Variants in DLGAP1 observed in about 807,000 individuals in gnomAD.
DLGAP1 encodes disks large-associated protein 1.
DLGAP1 carries 11 observed loss-of-function variants against 90.8 expected under a neutral mutation model. That is an observed-to-expected ratio of 0.12 (90% CI 0.08 to 0.20). The LOEUF (loss-of-function observed/expected upper bound fraction) is 0.20, where lower values mean the gene tolerates loss of function less well. DLGAP1 is among the 10% of genes least tolerant of loss of function. The probability of loss-of-function intolerance (pLI) is 1.00; values close to 1 mark genes in which losing one functional copy is unlikely to be tolerated. For synonymous variants in DLGAP1, 558 were observed against 540.7 expected, an observed-to-expected ratio of 1.03 and a Z score of -0.44; for missense variants, 1,050 against 1,333.8, an observed-to-expected ratio of 0.79 and a Z score of 3.31.
chr18:4,027,304 G>A (rs142298539), intron 2 of DLGAP1, among the ~76,000 whole-genome samples: 2,006 of 151,858 alleles, frequency 0.013, 31 homozygotes, highest in African/African-American at 0.045. Context: ...CCAGGAGTTC[G>A]AGACTAGCCT....
chr18:4,298,820 G>A (rs1350790175), intron 1 of DLGAP1, among the ~76,000 whole-genome samples: 1 of 151,670 alleles, frequency 6.6e-6, no homozygotes, highest in African/African-American at 2.4e-5. Flanking sequence ...AGTGGCTCAC[G>A]CCTGTAATCC....
At chr18:4,006,296 A>G (rs2074299338) in intron 2 of DLGAP1, among the ~76,000 whole-genome samples, 2 of 152,158 alleles carry the variant, frequency 1.3e-5, no homozygotes, top group South Asian at 4.1e-4. Context: ...TGTTTGAAAG[A>G]ACAGAAAATG....
At chr18:4,066,537 A>G (rs1050676374) in intron 2 of DLGAP1, among the ~76,000 whole-genome samples, 1 of 152,180 alleles carries the variant, frequency 6.6e-6, no homozygotes, top group African/African-American at 2.4e-5. Flanking sequence ...ACTTTTCAAA[A>G]GAAGACATAT....
chr18:4,311,781 T>A (rs889687025), intron 1 of DLGAP1, among the ~76,000 whole-genome samples: 1 of 152,172 alleles, frequency 6.6e-6, no homozygotes, highest in Non-Finnish European at 1.5e-5. Context: ...AGTGGCGCAA[T>A]CTCGGCTCAC....
rs2056968188 is a variant in DLGAP1, at chr18:3,600,977, T to TAGATATATAG, written c.1592-18730_1592-18729insCTATATATCT. 1.1e-4 allele frequency among the ~76,000 whole-genome samples: 12 copies of TAGATATATAG among 109,950 alleles called. 1 individual carries two copies. Among genetic ancestry groups the TAGATATATAG allele is most frequent in the East Asian group, 2.3e-4 (1 of 4,364 alleles). 72.1% of individuals were successfully genotyped at this position (109,950 alleles called of 152,430 possible). A position where few individuals can be genotyped will look rare whatever the true frequency, so the allele number is the denominator to read the frequency against. On this transcript the variant is annotated intron_variant, in intron 7 of 12. Transcript: ENST00000315677. ...ATATATATAGATATATAGATAGATA[T>TAGATATATAG]ATAGATATAGATATATAGATATATA...
chr18:4,066,161 C>T (rs1161323100), intron 2 of DLGAP1, among the ~76,000 whole-genome samples: 3 of 152,150 alleles, frequency 2.0e-5, no homozygotes, highest in Non-Finnish European at 4.4e-5. Flanking sequence ...AAAATCAACT[C>T]AAGATGGATT....
chr18:4,098,588 C>T (rs1285735757), intron 2 of DLGAP1, among the ~76,000 whole-genome samples: 9 of 151,562 alleles, frequency 5.9e-5, no homozygotes, highest in Admixed American at 2.0e-4. Flanking sequence ...ATAGGGGCAA[C>T]GGAGAAAGAC....
chr18:3,772,360 CTTT>C, intron 5 of DLGAP1, among the ~76,000 whole-genome samples: 1 of 5,746 alleles, frequency 1.7e-4, no homozygotes. Context: ...TTCTTTCTTT[CTTT>C]CTTTCTTTCT....
At chr18:3,846,777 G>A (rs140535014) in intron 4 of DLGAP1, among the ~76,000 whole-genome samples, 1 of 152,118 alleles carries the variant, frequency 6.6e-6, no homozygotes, top group African/African-American at 2.4e-5. Flanking sequence ...GTAGACTAGT[G>A]GTTGCCCTGG....
intron 7 of DLGAP1, among the ~76,000 whole-genome samples, chr18:3,596,222 C>T (rs945153162): frequency 1.2e-4 from 18 of 151,914 alleles, no homozygotes; most frequent in Non-Finnish European, 2.2e-4. Flanking sequence ...TGCAGTGGTG[C>T]GATCTCGGCT....
chr18:4,443,995 C>A (rs1290408391), intron 1 of DLGAP1, among the ~76,000 whole-genome samples: 1 of 152,230 alleles, frequency 6.6e-6, no homozygotes, highest in East Asian at 1.9e-4. Context: ...ATGTTTTGCA[C>A]ATGTGCTCAG....
chr18:4,327,620 C>T (rs929069322), intron 1 of DLGAP1, among the ~76,000 whole-genome samples: 3 of 152,010 alleles, frequency 2.0e-5, no homozygotes, highest in African/African-American at 7.2e-5. Flanking sequence ...TGTGCACATA[C>T]ATCTTAATTT....
At chr18:4,076,531 C>A (rs1176374956) in intron 2 of DLGAP1, among the ~76,000 whole-genome samples, 3 of 152,106 alleles carry the variant, frequency 2.0e-5, no homozygotes, top group African/African-American at 4.8e-5. Context: ...AGCCTAGGGT[C>A]TAGTGCTTTG....
At chr18:3,671,908 A>G (rs934530407) in intron 7 of DLGAP1, among the ~76,000 whole-genome samples, 2 of 152,174 alleles carry the variant, frequency 1.3e-5, no homozygotes, top group Non-Finnish European at 2.9e-5. Context: ...AAATGATCAT[A>G]TTTCACTCAG....
intron 1 of DLGAP1, among the ~76,000 whole-genome samples, chr18:4,245,908 GC>G (rs1454392358): frequency 6.8e-6 from 1 of 146,574 alleles, no homozygotes; most frequent in African/African-American, 2.4e-5. Flanking sequence ...CATCTGTTTT[GC>G]CTGTGCAAGT....
chr18:4,385,872 T>C (rs938086848), intron 1 of DLGAP1, among the ~76,000 whole-genome samples: 3 of 152,204 alleles, frequency 2.0e-5, no homozygotes, highest in Non-Finnish European at 2.9e-5. Context: ...ACTAATGTTA[T>C]GCTGTTGTTG....
At chr18:3,578,238 ACT>A (rs2055271498) in intron 8 of DLGAP1, among the ~76,000 whole-genome samples, 1 of 152,134 alleles carries the variant, frequency 6.6e-6, no homozygotes, top group Non-Finnish European at 1.5e-5. Context: ...AGGATTGGAA[ACT>A]CTGGCCCTAA....
In DLGAP1 at chr18:3,517,504, C is replaced by T. The variant is rs1419801256; in HGVS notation, c.2480-8843G>A. Among the ~76,000 whole-genome samples the T allele has an allele frequency of 6.6e-6, 1 of 152,198 alleles. No homozygotes were observed. The highest frequency in any genetic ancestry group is 1.5e-5 in the Non-Finnish European group (1 of 68,042). ...AACTTTTCTTCTTCAGCTTCCTCAC[C>T]TCTCTCAGCTTTCATAGAATTGAAG... is the stretch of plus-strand genomic sequence containing the variant. On this transcript the variant is annotated intron_variant, in intron 10 of 12. Transcript: ENST00000315677. This position sits in a 1 kb window ranked among gnomAD's most constrained non-coding sequence, Gnocchi z 4.1.
chr18:3,857,738 T>C (rs1223374504), intron 4 of DLGAP1, among the ~76,000 whole-genome samples: 1 of 152,180 alleles, frequency 6.6e-6, no homozygotes, highest in Non-Finnish European at 1.5e-5. Flanking sequence ...CTTCTGACTT[T>C]ACACATGCCC....
Sources: gnomAD v4.1 joint callset for allele counts (sites outside exome capture counted in the v4.1 genomes callset) on GRCh38, gnomAD v4.1.1 for gene constraint, Gnocchi (gnomAD v3.1) non-coding constraint, MANE v1.5 for transcripts, NCBI Gene and HGNC (gene_info 2026-07-23, HGNC 2026-07-21) for gene names.